Variants in PLCG2 observed in about 807,000 individuals in gnomAD.
PLCG2 encodes the protein phospholipase C gamma 2, also known as 1-phosphatidylinositol 4,5-bisphosphate phosphodiesterase gamma-2.
A neutral mutation model predicts 175.6 loss-of-function variants in PLCG2; 69 were observed. The ratio of observed to expected loss-of-function variants is 0.39; its 90% CI spans 0.32 to 0.48. The LOEUF (loss-of-function observed/expected upper bound fraction) is 0.48. PLCG2 is among the 20% of genes least tolerant of loss of function. The pLI is 0.91. For missense variants in PLCG2, 1,798 were observed against 1,650.9 expected, an observed-to-expected ratio of 1.09 and a Z score of -1.54; for synonymous variants, 827 against 624.0, an observed-to-expected ratio of 1.33 and a Z score of -4.85.
intron 1 of PLCG2, among the ~76,000 whole-genome samples, chr16:81,785,293 T>C (rs1910919641): frequency 6.6e-6 from 1 of 152,084 alleles, no homozygotes; most frequent in South Asian, 2.1e-4. Context: ...ACTCCCATTT[T>C]AAAAAGGCTA....
At chr16:81,895,472 A>G (rs1317903612) in intron 12 of PLCG2, 1 of 244,408 alleles carries the variant, frequency 4.1e-6, no homozygotes, top group African/African-American at 2.2e-5. Context: ...AGGCAGGGGA[A>G]TTGCTTCAAC....
intron 15 of PLCG2, among the ~76,000 whole-genome samples, chr16:81,906,064 C>T (rs949911162): frequency 9.2e-6 from 1 of 108,946 alleles, no homozygotes. Context: ...CTACCCTTAC[C>T]AAGCTTCTCC....
At chr16:81,819,584 A>T (rs371199713) in intron 2 of PLCG2, among the ~76,000 whole-genome samples, 22 of 152,074 alleles carry the variant, frequency 1.4e-4, no homozygotes, top group East Asian at 7.7e-4. Flanking sequence ...TTATGTATTT[A>T]TTATTATTAT....
chr16:81,865,440 A>G lies in PLCG2; in HGVS notation c.480-3774A>G, dbSNP rs79901660. ...CTGTCCCAGAGCTAGGAGCCCAAAG[A>G]AGCTCTCAGCCTCCAGTGTTTACAT... On this transcript the variant is annotated intron_variant, in intron 5 of 32. Transcript: ENST00000564138. Among the ~76,000 whole-genome samples the G allele has an allele frequency of 1.3e-3, 192 of 152,244 alleles. 1 individual carries two copies. Among genetic ancestry groups the G allele is most frequent in the African/African-American group, 4.5e-3 (186 of 41,524 alleles).
At chr16:81,840,822 G>A (rs1397173160) in intron 2 of PLCG2, among the ~76,000 whole-genome samples, 3 of 152,190 alleles carry the variant, frequency 2.0e-5, no homozygotes, top group Non-Finnish European at 1.5e-5. Flanking sequence ...GAGTGGCAAG[G>A]AACAGGGCAG....
At chr16:81,842,930 T>G (rs927911437) in intron 2 of PLCG2, 1 of 139,670 alleles carries the variant, frequency 7.2e-6, no homozygotes, top group Non-Finnish European at 1.5e-5. Context: ...CCTTTGAGGC[T>G]GACTCTAGGA....
chr16:81,857,362 C>G (rs556614511), intron 3 of PLCG2, among the ~76,000 whole-genome samples: 1 of 152,308 alleles, frequency 6.6e-6, no homozygotes, highest in African/African-American at 2.4e-5. Flanking sequence ...CAGTGTGCTG[C>G]CAGGGTAAGA....
intron 1 of PLCG2, among the ~76,000 whole-genome samples, chr16:81,745,872 A>T (rs1306273958): frequency 6.6e-6 from 1 of 152,218 alleles, no homozygotes; most frequent in Non-Finnish European, 1.5e-5. Flanking sequence ...GGCCGAGTTC[A>T]GCGGCCAGAC....
intron 2 of PLCG2, among the ~76,000 whole-genome samples, chr16:81,799,520 CCTCA>C (rs1911625769): frequency 6.6e-6 from 1 of 152,082 alleles, no homozygotes; most frequent in Non-Finnish European, 1.5e-5. Flanking sequence ...GAACTCCTGG[CCTCA>C]AGAGATCCTC....
rs764831936 is a variant in PLCG2, at chr16:81,891,579, G to A, written c.975G>A (p.Ser325=). ...NNPLSHYWIS[S]SHNTYLTGDQ... is the part of the protein sequence containing the mutation. ...CCCTGTCTCATTACTGGATCTCCTCGTCACATAACACGTGAGTTTCAGATG... is the reference window on the plus strand; with the variant it reads ...CCCTGTCTCATTACTGGATCTCCTCATCACATAACACGTGAGTTTCAGATG... The change falls in exon 11 of 33, where the codon TCG becomes TCA. Residue 325 remains serine, a synonymous_variant. Coordinates refer to ENST00000564138, the MANE Select transcript of PLCG2 (RefSeq NM_002661.5). The A allele has an allele frequency of 1.6e-5, 25 of 1,578,064 alleles. 1 individual carries two copies. The South Asian group carries it at 2.2e-4, about 14-fold the overall frequency.
intron 2 of PLCG2, among the ~76,000 whole-genome samples, chr16:81,792,347 T>C (rs1252765593): frequency 1.3e-5 from 2 of 151,680 alleles, no homozygotes; most frequent in African/African-American, 4.8e-5. Flanking sequence ...CTGGGTGTAG[T>C]GGCACATGCC....
At position 81,910,516 on chromosome 16, in the gene PLCG2, G is replaced by A. The variant is rs769386987; in HGVS notation, c.1734-4G>A. 1.2e-5 allele frequency: 20 copies of A among 1,613,370 alleles called. No individual in the cohort carries two copies. The highest frequency in any genetic ancestry group is 5.0e-5 in the Admixed American group (3 of 60,008). ...CCAGCACTGATGGCGTCCTCTCCCC[G>A]CAGGCGGTCAGGCCGGGTCCAGCAC... On this transcript the variant is annotated splice_polypyrimidine_tract_variant and splice_region_variant and intron_variant, in intron 17 of 32. Transcript: ENST00000564138.
intron 2 of PLCG2, among the ~76,000 whole-genome samples, chr16:81,821,879 T>G (rs1201607259): frequency 1.3e-5 from 2 of 152,024 alleles, no homozygotes; most frequent in Non-Finnish European, 2.9e-5. Flanking sequence ...ATGTTTTTTT[T>G]TTTTTCCAGA....
chr16:81,766,045 G>T (rs148904811), intron 2 of PLCG2, among the ~76,000 whole-genome samples: 2 of 152,262 alleles, frequency 1.3e-5, no homozygotes, highest in African/African-American at 2.4e-5. Context: ...TGTAAATGAG[G>T]CTTAGCCTTC....
intron 2 of PLCG2, chr16:81,767,680 A>G (rs1444904004): frequency 1.3e-5 from 2 of 152,134 alleles, no homozygotes; most frequent in African/African-American, 4.8e-5. Flanking sequence ...TCAAATATGT[A>G]AAGTTGTAAT....
At chr16:81,844,652 G>A (rs1906018043) in intron 2 of PLCG2, among the ~76,000 whole-genome samples, 1 of 152,224 alleles carries the variant, frequency 6.6e-6, no homozygotes, top group Non-Finnish European at 1.5e-5. Context: ...TGGCACCTAG[G>A]TGCTCGTGAA....
At chr16:81,887,655 G>A (rs775213855) in intron 9 of PLCG2, among the ~76,000 whole-genome samples, 8 of 152,004 alleles carry the variant, frequency 5.3e-5, no homozygotes, top group African/African-American at 7.3e-5. Context: ...TCATTGTTTC[G>A]GACATTGCAT....
At chr16:81,825,797 C>T (rs1269878374) in intron 2 of PLCG2, among the ~76,000 whole-genome samples, 2 of 152,218 alleles carry the variant, frequency 1.3e-5, no homozygotes, top group African/African-American at 4.8e-5. Flanking sequence ...GCTGGAGACT[C>T]TGCTTGTCAC....
At chr16:81,857,601 C>G (rs1247780631) in intron 3 of PLCG2, among the ~76,000 whole-genome samples, 1 of 151,168 alleles carries the variant, frequency 6.6e-6, no homozygotes, top group East Asian at 1.9e-4. Context: ...GGCTTTTCCT[C>G]AGGGTGTGCT....
Sources: allele counts gnomAD v4.1 joint callset (sites outside exome capture counted in the v4.1 genomes callset), GRCh38; gene constraint gnomAD v4.1.1; transcripts MANE v1.5; gene names NCBI Gene and HGNC (gene_info 2026-07-23, HGNC 2026-07-21).